GLCCI1: variants seen among roughly 807,000 people sequenced by gnomAD.
GLCCI1 encodes glucocorticoid induced 1.
GLCCI1 carries 24 observed loss-of-function variants against 52.2 expected under a neutral mutation model. The observed-to-expected ratio is 0.46, with a 90% CI of 0.33 to 0.65. The LOEUF is 0.65. Among genes scored for constraint, GLCCI1 ranks in the 30% least tolerant of loss-of-function variants. The pLI is 0.02. For synonymous variants in GLCCI1, 310 were observed against 276.5 expected (o/e 1.12, Z -1.20); for missense variants, 704 against 701.5 (o/e 1.00, Z -0.04).
chr7:7,996,843 G>T (rs1229882209), intron 1 of GLCCI1, among the ~76,000 whole-genome samples: 1 of 152,198 alleles, frequency 6.6e-6, no homozygotes, highest in East Asian at 1.9e-4. Context: ...CTGTGGTAGG[G>T]TTCCAGGTTT....
intron 2 of GLCCI1, among the ~76,000 whole-genome samples, chr7:8,011,219 G>T (rs950557903): frequency 6.6e-6 from 1 of 152,000 alleles, no homozygotes; most frequent in South Asian, 2.1e-4. Context: ...TCACATTATT[G>T]TACAACCATT....
At chr7:8,053,279 C>T (rs1289843957) in intron 3 of GLCCI1, among the ~76,000 whole-genome samples, 1 of 150,172 alleles carries the variant, frequency 6.7e-6, no homozygotes, top group Non-Finnish European at 1.5e-5. Flanking sequence ...TTATTTCCTA[C>T]CTTTTCATGG....
intron 6 of GLCCI1, among the ~76,000 whole-genome samples, chr7:8,081,739 A>G (rs2127968849): frequency 6.6e-6 from 1 of 152,342 alleles, no homozygotes; most frequent in South Asian, 2.1e-4. Context: ...TATGTTTAAA[A>G]GTATTTCAGA....
chr7:7,980,610 T>G, intron 1 of GLCCI1: 6 of 754,086 alleles, frequency 8.0e-6, no homozygotes, highest in Non-Finnish European at 9.0e-6. Context: ...GATTGTATGG[T>G]GATCAAGCAA....
chr7:8,004,882 T>C (rs2115427727), intron 2 of GLCCI1, among the ~76,000 whole-genome samples: 1 of 152,312 alleles, frequency 6.6e-6, no homozygotes, highest in East Asian at 1.9e-4. Context: ...TAGAGTTTCA[T>C]GTCCGAAGAC....
Position 8,004,826 on chromosome 7 carries a change from G to A in GLCCI1, c.609+767G>A, listed in dbSNP as rs138837787. Among the ~76,000 whole-genome samples, 590 of 152,278 alleles carry A rather than the reference G, an allele frequency of 3.9e-3. 7 individuals are homozygous for A. The highest frequency in any genetic ancestry group is 0.013 in the African/African-American group (548 of 41,552). On this transcript the variant is annotated intron_variant, in intron 2 of 7. Coordinates refer to ENST00000223145, the MANE Select transcript of GLCCI1 (RefSeq NM_138426.4). The stretch of plus-strand genomic sequence containing the variant: ...GTATGTAAATGTGAGGGCATTCAAA[G>A]GAAAGAGAACATTTTGGGCTTTGTA...
At chr7:8,074,059 G>A (rs1782823146) in intron 6 of GLCCI1, among the ~76,000 whole-genome samples, 1 of 152,186 alleles carries the variant, frequency 6.6e-6, no homozygotes, top group African/African-American at 2.4e-5. Context: ...TGAGGTTTAT[G>A]TATTTCAACT....
At chr7:7,998,189 T>G (rs35336833) in intron 1 of GLCCI1, among the ~76,000 whole-genome samples, 74,429 of 143,114 alleles carry the variant, frequency 0.52, 19,116 homozygotes, top group Middle Eastern at 0.68. Context: ...TTTTTTTTTT[T>G]TTGTTGTTGT....
At position 7,977,430 on chromosome 7, in the gene GLCCI1, C is replaced by T. The variant is rs77104408; in HGVS notation, c.457+7623C>T. 1.9e-3 allele frequency among the ~76,000 whole-genome samples: 283 copies of T among 152,250 alleles called. 2 individuals are homozygous for T. Among genetic ancestry groups the T allele is most frequent in the East Asian group, 6.0e-3 (31 of 5,184 alleles). On this transcript the variant is annotated intron_variant, in intron 1 of 7. Transcript: ENST00000223145. ...CTGAACTGGTCCTTGATAGTATAAC[C>T]GGGCTGTTTTCTCTAGAACTAATTA...
At position 7,969,154 on chromosome 7, in the gene GLCCI1, T is replaced by G; in HGVS notation, c.-197T>G. 1 of 415,340 alleles carries G rather than the reference T, an allele frequency of 2.4e-6. No individual in the cohort carries two copies. The highest frequency in any genetic ancestry group is 3.5e-6 in the Non-Finnish European group (1 of 287,236). The allele number at this position is 415,340 out of a possible 1,614,324, so 25.7% of individuals were successfully genotyped here. On this transcript the variant is annotated 5_prime_UTR_variant, in exon 1 of 8. Transcript: ENST00000223145. The surrounding 1 kb of genome is among the most constrained non-coding windows in gnomAD (Gnocchi z 4.9). ...CCGTTGGACGTTTGTTTTCGCAGCC[T>G]TCCCCTCCCCCCTCGCCGAGGCGGC... is the stretch of plus-strand genomic sequence containing the variant.
In GLCCI1 at chr7:8,086,622, A is replaced by ACAC. The variant is rs1783112206; in HGVS notation, c.*96_*98dup. On this transcript the variant is annotated 3_prime_UTR_variant, in exon 8 of 8. Transcript: ENST00000223145. This position sits in a 1 kb window ranked among gnomAD's most constrained non-coding sequence, Gnocchi z 4.4. ...TCTGCATGAGTGACAAACTTTCTGA[A>ACAC]CACCACCACCACCAATAATACTTAT... The ACAC allele has an allele frequency of 9.9e-7, 1 of 1,007,676 alleles. No homozygotes were observed. The highest frequency in any genetic ancestry group is 1.5e-6 in the Non-Finnish European group (1 of 675,468). The allele number at this position is 1,007,676 out of a possible 1,614,324, so 62.4% of individuals were successfully genotyped here.
intron 1 of GLCCI1, among the ~76,000 whole-genome samples, chr7:7,980,134 A>T (rs1780581684): frequency 1.3e-5 from 2 of 152,056 alleles, no homozygotes; most frequent in African/African-American, 2.4e-5. Context: ...GCCTCAAGTG[A>T]TCCACCTGCC....
chr7:8,034,463 A>G (rs571121202), intron 3 of GLCCI1, among the ~76,000 whole-genome samples: 3 of 152,322 alleles, frequency 2.0e-5, no homozygotes, highest in Admixed American at 6.5e-5. Flanking sequence ...TTAGCAAATC[A>G]TGTATTTGAT....
In GLCCI1 at chr7:8,088,233, TA is replaced by T. The variant is rs1562456735; in HGVS notation, c.*1696del. ...TTTTTTAAGAAATGATATATATATG[TA>T]TATGTTTGTGTGTGTGTGTGTGTGT... On this transcript the variant is annotated 3_prime_UTR_variant, in exon 8 of 8. Transcript: ENST00000223145. 1.1e-4 allele frequency: 12 copies of T among 108,308 alleles called. No homozygotes were observed. The highest frequency in any genetic ancestry group is 4.7e-4 in the African/African-American group (12 of 25,564). 6.7% of individuals were successfully genotyped at this position (108,308 alleles called of 1,614,324 possible). A position where few individuals can be genotyped will look rare whatever the true frequency, so the allele number is the denominator to read the frequency against.
At chr7:8,069,720 C>A (rs1782712054) in intron 5 of GLCCI1, among the ~76,000 whole-genome samples, 1 of 152,184 alleles carries the variant, frequency 6.6e-6, no homozygotes, top group Non-Finnish European at 1.5e-5. Flanking sequence ...TGCATAGTTT[C>A]AGATTTCGGC....
intron 1 of GLCCI1, among the ~76,000 whole-genome samples, chr7:7,992,414 C>G (rs565390145): frequency 2.6e-5 from 4 of 152,044 alleles, no homozygotes; most frequent in African/African-American, 9.6e-5. Flanking sequence ...AGAGCATTCT[C>G]TAATAGATTT....
chr7:8,040,542 ACAC>A (rs1781975264), intron 3 of GLCCI1, among the ~76,000 whole-genome samples: 3 of 151,892 alleles, frequency 2.0e-5, no homozygotes, highest in African/African-American at 7.3e-5. Context: ...ACACACACAC[ACAC>A]ACACACACAC....
At chr7:8,075,807 A>G (rs1208842340) in intron 6 of GLCCI1, among the ~76,000 whole-genome samples, 1 of 152,226 alleles carries the variant, frequency 6.6e-6, no homozygotes, top group African/African-American at 2.4e-5. Flanking sequence ...TAAATTGATT[A>G]CTTGTAATTT....
intron 3 of GLCCI1, among the ~76,000 whole-genome samples, chr7:8,052,235 T>C (rs1488185114): frequency 2.0e-5 from 3 of 152,198 alleles, no homozygotes; most frequent in African/African-American, 7.2e-5. Flanking sequence ...CCCCTCAGTC[T>C]GGTGCCTTAA....
Sources: gnomAD v4.1 joint callset for allele counts (sites outside exome capture counted in the v4.1 genomes callset) on GRCh38, gnomAD v4.1.1 for gene constraint, Gnocchi (gnomAD v3.1) non-coding constraint, MANE v1.5 for transcripts, NCBI Gene and HGNC (gene_info 2026-07-23, HGNC 2026-07-21) for gene names.